Variants in CDYL observed in about 807,000 individuals in gnomAD.
CDYL encodes chromodomain Y like, also known as chromodomain Y-like protein.
In CDYL, 8 loss-of-function variants were observed where a neutral mutation model predicts 47.3. That is an observed-to-expected ratio of 0.17 (90% CI 0.10 to 0.31). The LOEUF is 0.31. CDYL is among the 10% of genes least tolerant of loss of function. The probability of loss-of-function intolerance (pLI) is 1.00; values close to 1 mark genes in which losing one functional copy is unlikely to be tolerated. For synonymous variants in CDYL, 266 were observed against 265.0 expected (o/e 1.00, Z -0.04); for missense variants, 471 against 701.4 (o/e 0.67, Z 3.71).
chr6:4,730,301 T>A (rs1757581056), intron 2 of CDYL, among the ~76,000 whole-genome samples: 1 of 152,168 alleles, frequency 6.6e-6, no homozygotes, highest in African/African-American at 2.4e-5. Context: ...CCAAATGTCT[T>A]CCTGCTCAGC....
At chr6:4,907,132 C>G (rs1757262996) in intron 2 of CDYL, among the ~76,000 whole-genome samples, 1 of 152,220 alleles carries the variant, frequency 6.6e-6, no homozygotes, top group South Asian at 2.1e-4. Flanking sequence ...ACATTAGAAA[C>G]TGCTGCTACT....
At chr6:4,906,400 A>G (rs1040992477) in intron 2 of CDYL, among the ~76,000 whole-genome samples, 4 of 152,222 alleles carry the variant, frequency 2.6e-5, no homozygotes, top group African/African-American at 7.2e-5. Context: ...GCGGAAGATC[A>G]CACTGTTTAA....
In CDYL at chr6:4,954,098, A is replaced by G; in HGVS notation, c.*42A>G. 6.3e-7 allele frequency: 1 copy of G among 1,582,828 alleles called. No homozygotes were observed. Among genetic ancestry groups the G allele is most frequent in the Admixed American group, 1.7e-5 (1 of 58,150 alleles). On this transcript the variant is annotated 3_prime_UTR_variant, in exon 7 of 7. Transcript: ENST00000397588. ...TGGTGACACCGGGATCGGGCTGAGC[A>G]GGAGAACATCACCGGCTCCAGTTCC...
chr6:4,900,779 G>GTGTGTATACATATATATA, intron 2 of CDYL, among the ~76,000 whole-genome samples: 1 of 51,706 alleles, frequency 1.9e-5, no homozygotes, highest in African/African-American at 6.3e-5. Flanking sequence ...GTATACGTGT[G>GTGTGTATACATATATATA]TATATATATA....
At chr6:4,831,469 T>G (rs1378581750) in intron 1 of CDYL, among the ~76,000 whole-genome samples, 4 of 152,220 alleles carry the variant, frequency 2.6e-5, no homozygotes, top group Non-Finnish European at 5.9e-5. Context: ...CCATGCTGTT[T>G]TGGTTACTGT....
intron 3 of CDYL, among the ~76,000 whole-genome samples, chr6:4,744,506 A>T (rs943905809): frequency 6.8e-6 from 1 of 147,090 alleles, no homozygotes. Flanking sequence ...AAAAAAAAAA[A>T]TTGCCAAATT....
chr6:4,764,809 T>C (rs902485774), intron 3 of CDYL, among the ~76,000 whole-genome samples: 2 of 152,110 alleles, frequency 1.3e-5, no homozygotes, highest in East Asian at 3.9e-4. Flanking sequence ...CAGTAACTAA[T>C]AGAATATTTG....
chr6:4,900,777 G>GTGTGTA (rs1337124010), intron 2 of CDYL, among the ~76,000 whole-genome samples: 19 of 18,116 alleles, frequency 1.0e-3, no homozygotes, highest in African/African-American at 3.9e-3. Flanking sequence ...CCGTATACGT[G>GTGTGTA]TGTATATATA....
At chr6:4,950,858 G>C (rs1758679589) in intron 5 of CDYL, among the ~76,000 whole-genome samples, 1 of 151,836 alleles carries the variant, frequency 6.6e-6, no homozygotes, top group Non-Finnish European at 1.5e-5. Flanking sequence ...TGTGAGCCTG[G>C]GAGGCGGAGC....
intron 2 of CDYL, among the ~76,000 whole-genome samples, chr6:4,716,343 C>A (rs527687447): frequency 1.3e-5 from 2 of 152,146 alleles, no homozygotes; most frequent in East Asian, 3.9e-4. Flanking sequence ...GTTCGGACAA[C>A]GCCTTCTCTC....
At chr6:4,734,625 A>G in intron 2 of CDYL, 1 of 1,191,890 alleles carries the variant, frequency 8.4e-7, no homozygotes, top group Non-Finnish European at 1.1e-6. Context: ...ACCAGTTTCT[A>G]TGTTCAGTTA....
intron 1 of CDYL, among the ~76,000 whole-genome samples, chr6:4,857,143 A>G (rs1761033236): frequency 6.6e-6 from 1 of 152,204 alleles, no homozygotes; most frequent in African/African-American, 2.4e-5. Flanking sequence ...GAGTTTTTTA[A>G]TTGGTGAAAT....
chr6:4,917,073 T>G (rs1400790189), intron 2 of CDYL, among the ~76,000 whole-genome samples: 1 of 152,254 alleles, frequency 6.6e-6, no homozygotes, highest in Non-Finnish European at 1.5e-5. Flanking sequence ...TTTTCTGTAC[T>G]TTGTGGATTC....
At chr6:4,856,753 A>G (rs1383810465) in intron 1 of CDYL, among the ~76,000 whole-genome samples, 2 of 152,120 alleles carry the variant, frequency 1.3e-5, no homozygotes, top group Non-Finnish European at 2.9e-5. Context: ...GCCTGGGGGG[A>G]ACTTCAGGAT....
chr6:4,952,187 G>A (rs1022507291), intron 5 of CDYL, 79 bp from the exon 6 acceptor site: 40 of 1,495,190 alleles, frequency 2.7e-5, no homozygotes, highest in East Asian at 7.1e-5. Flanking sequence ...GTTTCCCTTC[G>A]GTGTGGATTT....
At chr6:4,712,157 C>A (rs948800579) in intron 1 of CDYL, among the ~76,000 whole-genome samples, 2 of 152,144 alleles carry the variant, frequency 1.3e-5, no homozygotes, top group African/African-American at 2.4e-5. Flanking sequence ...CCTTTATAAA[C>A]CAATGTCAAG....
At chr6:4,864,662 G>A (rs1326866093) in intron 1 of CDYL, among the ~76,000 whole-genome samples, 2 of 152,084 alleles carry the variant, frequency 1.3e-5, no homozygotes, top group African/African-American at 4.8e-5. Flanking sequence ...AGTCTCACAA[G>A]ATCTGATGGG....
intron 1 of CDYL, among the ~76,000 whole-genome samples, chr6:4,848,618 A>G (rs1406398614): frequency 6.6e-6 from 1 of 152,226 alleles, no homozygotes; most frequent in African/African-American, 2.4e-5. Flanking sequence ...TGAAAAGGCA[A>G]ATATTTTGGT....
At chr6:4,851,704 G>T (rs1355685461) in intron 1 of CDYL, among the ~76,000 whole-genome samples, 1 of 152,150 alleles carries the variant, frequency 6.6e-6, no homozygotes, top group African/African-American at 2.4e-5. Context: ...AAGTCTTAAC[G>T]CAACAATCCC....
Sources: gnomAD v4.1 joint callset for allele counts (sites outside exome capture counted in the v4.1 genomes callset) on GRCh38, gnomAD v4.1.1 for gene constraint, MANE v1.5 for transcripts, NCBI Gene and HGNC (gene_info 2026-07-23, HGNC 2026-07-21) for gene names.